Variants in ZNF618 observed in about 807,000 individuals in gnomAD.
ZNF618 encodes zinc finger protein 618, also known as neural precursor cell expressed, developmentally down-regulated 10.
A neutral mutation model predicts 103.0 loss-of-function variants in ZNF618; 34 were observed. The observed-to-expected ratio is 0.33, with a 90% CI of 0.25 to 0.44. The LOEUF is 0.44. Ranked by LOEUF, ZNF618 falls within the 20% of genes least tolerant of loss-of-function variation. The pLI is 1.00. For missense variants in ZNF618, 1,059 were observed against 1,295.4 expected (o/e 0.82, Z 2.80); for synonymous variants, 551 against 542.2 (o/e 1.02, Z -0.23).
intron 11 of ZNF618, among the ~76,000 whole-genome samples, chr9:114,029,483 T>C (rs1359976293): frequency 6.6e-6 from 1 of 152,110 alleles, no homozygotes; most frequent in African/African-American, 2.4e-5. Flanking sequence ...CCTTACTGCC[T>C]CCCCAACACA....
chr9:113,951,447 A>ATGTGTG (rs1301306957), intron 1 of ZNF618, among the ~76,000 whole-genome samples: 1 of 65,910 alleles, frequency 1.5e-5, no homozygotes, highest in Non-Finnish European at 3.1e-5. Context: ...ATATACATAT[A>ATGTGTG]TGTGTATATA....
At position 114,049,909 on chromosome 9, in the gene ZNF618, A is replaced by C. The variant is rs753158258; in HGVS notation, c.2607A>C (p.Leu869=). 6.2e-7 allele frequency: 1 copy of C among 1,613,936 alleles called. No homozygotes were observed. Among genetic ancestry groups the C allele is most frequent in the South Asian group, 1.1e-5 (1 of 91,084 alleles). The change falls in exon 15 of 15, where the codon CTA becomes CTC. Residue 869 remains leucine, a synonymous_variant. Coordinates refer to ENST00000374126, the MANE Select transcript of ZNF618 (RefSeq NM_001318042.2). ...ENPAAQEDDR[L]GKNEVYDYLQ... ...CCGCAGCTCAGGAAGATGATCGGCT[A>C]GGCAAAAATGAAGTGTACGATTACC...
intron 1 of ZNF618, among the ~76,000 whole-genome samples, chr9:113,949,013 A>G (rs1220603598): frequency 2.0e-5 from 3 of 152,202 alleles, no homozygotes; most frequent in Non-Finnish European, 4.4e-5. Flanking sequence ...ATCTCTGCCT[A>G]TTTACTCAGC....
At chr9:113,917,768 G>A (rs1832261412) in intron 1 of ZNF618, among the ~76,000 whole-genome samples, 2 of 152,056 alleles carry the variant, frequency 1.3e-5, no homozygotes, top group South Asian at 4.1e-4. Flanking sequence ...AAAAAACTTT[G>A]ATTTCGAAAG....
At chr9:114,035,294 A>C in intron 12 of ZNF618, 5 of 974,932 alleles carry the variant, frequency 5.1e-6, no homozygotes, top group Non-Finnish European at 6.1e-6. Context: ...GAAGGAACTC[A>C]GCCAGCCACG....
intron 1 of ZNF618, among the ~76,000 whole-genome samples, chr9:113,928,414 A>G (rs776284493): frequency 1.3e-5 from 2 of 152,226 alleles, no homozygotes; most frequent in Non-Finnish European, 2.9e-5. Flanking sequence ...TATCTAAGCC[A>G]GTTCTGATGT....
At position 114,007,346 on chromosome 9, in the gene ZNF618, G is replaced by A. The variant is rs760719988; in HGVS notation, c.551-4G>A. The A allele has an allele frequency of 1.2e-6, 2 of 1,613,440 alleles. No homozygotes were observed. The highest frequency in any genetic ancestry group is 1.7e-6 in the Non-Finnish European group (2 of 1,179,662). On this transcript the variant is annotated splice_polypyrimidine_tract_variant and splice_region_variant and intron_variant, in intron 6 of 14. Transcript: ENST00000374126. The stretch of plus-strand genomic sequence containing the variant: ...AACCAGGTGTGTGTTTTCATCCCAT[G>A]CAGACAATTTCAGGTACACATGTGA...
chr9:113,948,961 G>A (rs7853673), intron 1 of ZNF618, among the ~76,000 whole-genome samples: 68,698 of 152,142 alleles, frequency 0.45, 16,078 homozygotes, highest in Non-Finnish European at 0.51. Context: ...CTGTTCTCCC[G>A]CTTCTTCCCA....
At chr9:113,930,193 AG>A (rs1833449543) in intron 1 of ZNF618, among the ~76,000 whole-genome samples, 1 of 152,174 alleles carries the variant, frequency 6.6e-6, no homozygotes, top group South Asian at 2.1e-4. Context: ...ATTTCCCCCA[AG>A]TTTTTTGGGG....
rs147019114 is a variant in ZNF618, at chr9:113,947,100, G to A, written c.34-22017G>A. On this transcript the variant is annotated intron_variant, in intron 1 of 14. Transcript: ENST00000374126. ...CCATTGACAGAAGTCATGAGCTTGC[G>A]GAGCCTGCTGCAGAGGAGGGGCTCA... is the stretch of plus-strand genomic sequence containing the variant. Among the ~76,000 whole-genome samples the A allele has an allele frequency of 8.3e-4, 126 of 152,270 alleles. 1 individual carries two copies. The highest frequency in any genetic ancestry group is 6.7e-3 in the South Asian group (32 of 4,808).
At position 114,051,848 on chromosome 9, in the gene ZNF618, G is replaced by C. The variant is rs1432621787; in HGVS notation, c.*1681G>C. The stretch of plus-strand genomic sequence containing the variant: ...CACCCCATTCCCTTCACAAGAGGCG[G>C]TTCTGTCACAAATCAGCACTCCACC... On this transcript the variant is annotated 3_prime_UTR_variant, in exon 15 of 15. Coordinates refer to ENST00000374126, the MANE Select transcript of ZNF618 (RefSeq NM_001318042.2). The C allele has an allele frequency of 6.6e-6, 1 of 152,250 alleles. No individual in the cohort carries two copies. The highest frequency in any genetic ancestry group is 2.4e-5 in the African/African-American group (1 of 41,430). 9.4% of individuals were successfully genotyped at this position (152,250 alleles called of 1,614,324 possible).
At chr9:113,990,589 C>T (rs1017290239) in intron 3 of ZNF618, among the ~76,000 whole-genome samples, 1 of 152,186 alleles carries the variant, frequency 6.6e-6, no homozygotes, top group African/African-American at 2.4e-5. Flanking sequence ...TGGTCCCAGA[C>T]TAAAAGCTGT....
chr9:113,994,050 T>C (rs1162921332), intron 3 of ZNF618, among the ~76,000 whole-genome samples: 1 of 152,060 alleles, frequency 6.6e-6, no homozygotes, highest in Non-Finnish European at 1.5e-5. Flanking sequence ...ATGAGATAGA[T>C]GGGAGACTGG....
chr9:114,042,233 A>G (rs754460087), intron 13 of ZNF618, among the ~76,000 whole-genome samples: 17 of 152,260 alleles, frequency 1.1e-4, no homozygotes, highest in Non-Finnish European at 2.2e-4. Flanking sequence ...GCTGTTACCA[A>G]CTTAATAGGT....
At chr9:114,019,190 C>CT (rs1842875465) in intron 10 of ZNF618, among the ~76,000 whole-genome samples, 1 of 151,988 alleles carries the variant, frequency 6.6e-6, no homozygotes, top group African/African-American at 2.4e-5. Context: ...GTTGTTCATT[C>CT]TTTTTTACTT....
chr9:114,017,531 G>T (rs1022586188), intron 10 of ZNF618, among the ~76,000 whole-genome samples: 1 of 152,150 alleles, frequency 6.6e-6, no homozygotes, highest in African/African-American at 2.4e-5. Context: ...GAGCTAGGGG[G>T]CCCATCAGCC....
chr9:114,050,772 C>CG lies in ZNF618; in HGVS notation c.*605_*606insG, dbSNP rs1309461155. ...CTCCTGATCCCATTGTGCACCCCCC[C>CG]ACACACTCGGCTGCTCTGCTGTGGA... is the stretch of plus-strand genomic sequence containing the variant. On this transcript the variant is annotated 3_prime_UTR_variant, in exon 15 of 15. Coordinates refer to ENST00000374126, the MANE Select transcript of ZNF618 (RefSeq NM_001318042.2). The CG allele has an allele frequency of 4.6e-5, 7 of 153,106 alleles. No homozygotes were observed. Among genetic ancestry groups the CG allele is most frequent in the African/African-American group, 1.7e-4 (7 of 41,422 alleles). 9.5% of individuals were successfully genotyped at this position (153,106 alleles called of 1,614,324 possible). A position where few individuals can be genotyped will look rare whatever the true frequency, so the allele number is the denominator to read the frequency against.
intron 1 of ZNF618, among the ~76,000 whole-genome samples, chr9:113,893,156 CTG>C (rs1263018813): frequency 6.6e-6 from 1 of 152,200 alleles, no homozygotes; most frequent in Non-Finnish European, 1.5e-5. Flanking sequence ...GATAAGGAAA[CTG>C]AGGTTGAGTG....
intron 1 of ZNF618, among the ~76,000 whole-genome samples, chr9:113,944,067 C>G (rs1027081614): frequency 3.9e-5 from 6 of 152,058 alleles, no homozygotes; most frequent in African/African-American, 9.7e-5. Context: ...CTCCCTTTGC[C>G]CCTGCTCACA....
Sources: gnomAD v4.1 joint callset for allele counts (sites outside exome capture counted in the v4.1 genomes callset) on GRCh38, gnomAD v4.1.1 for gene constraint, MANE v1.5 for transcripts, NCBI Gene and HGNC (gene_info 2026-07-23, HGNC 2026-07-21) for gene names.